CUL1: variants seen among roughly 807,000 people sequenced by gnomAD.
CUL1 encodes the protein cullin 1.
In CUL1, 24 loss-of-function variants were observed where a neutral mutation model predicts 118.0. The ratio of observed to expected loss-of-function variants is 0.20; its 90% CI spans 0.15 to 0.29. The LOEUF (loss-of-function observed/expected upper bound fraction) is 0.29, where lower values mean the gene tolerates loss of function less well. CUL1 is among the 10% of genes least tolerant of loss of function. CUL1 has a pLI of 1.00. For missense variants in CUL1, 361 were observed against 933.8 expected (o/e 0.39, Z 7.99); for synonymous variants, 332 against 340.4 (o/e 0.98, Z 0.27).
chr7:148,752,630 C>T (rs1486605924), intron 2 of CUL1, among the ~76,000 whole-genome samples: 1 of 151,970 alleles, frequency 6.6e-6, no homozygotes, highest in African/African-American at 2.4e-5. Flanking sequence ...GGTATTTCAT[C>T]TTAATCTACA....
intron 9 of CUL1, among the ~76,000 whole-genome samples, chr7:148,770,664 A>G (rs1156799220): frequency 6.6e-6 from 1 of 152,090 alleles, no homozygotes; most frequent in African/African-American, 2.4e-5. Flanking sequence ...CACACTTGCC[A>G]CCTCCATTCG....
At chr7:148,723,759 A>G (rs1298259477) in intron 1 of CUL1, among the ~76,000 whole-genome samples, 1 of 151,028 alleles carries the variant, frequency 6.6e-6, no homozygotes, top group Non-Finnish European at 1.5e-5. Context: ...ATCCCCAAAG[A>G]GCTAGAAGTC....
intron 1 of CUL1, among the ~76,000 whole-genome samples, chr7:148,715,501 G>C (rs1798186750): frequency 6.6e-6 from 1 of 152,152 alleles, no homozygotes; most frequent in Admixed American, 6.5e-5. Context: ...CCTTTGGCTT[G>C]CCTTCTGTCC....
intron 2 of CUL1, among the ~76,000 whole-genome samples, chr7:148,735,026 C>T (rs1272894014): frequency 6.6e-6 from 1 of 151,878 alleles, no homozygotes; most frequent in Non-Finnish European, 1.5e-5. Flanking sequence ...CCTGTTTTTT[C>T]CAGTCTTCTT....
chr7:148,744,625 G>A (rs1003227746), intron 2 of CUL1, among the ~76,000 whole-genome samples: 1 of 151,948 alleles, frequency 6.6e-6, no homozygotes, highest in Non-Finnish European at 1.5e-5. Flanking sequence ...CCCACAAGAC[G>A]ATATTATAAA....
At position 148,757,298 on chromosome 7, in the gene CUL1, A is replaced by T. The variant is rs1184144603; in HGVS notation, c.483+148A>T. On this transcript the variant is annotated intron_variant, in intron 4 of 21. Transcript: ENST00000325222. ...TTTCATTGTTTTATCAATAAATGTC[A>T]CTTAAATATTTTTTAGCAAGAAAGT... 4.4e-6 allele frequency: 2 copies of T among 455,120 alleles called. 1 individual carries two copies. Among genetic ancestry groups the T allele is most frequent in the East Asian group, 7.1e-5 (2 of 28,170 alleles). 28.2% of individuals were successfully genotyped at this position (455,120 alleles called of 1,614,324 possible). A position where few individuals can be genotyped will look rare whatever the true frequency, so the allele number is the denominator to read the frequency against.
chr7:148,747,503 C>A (rs909301240), intron 2 of CUL1, among the ~76,000 whole-genome samples: 2 of 152,078 alleles, frequency 1.3e-5, no homozygotes, highest in African/African-American at 2.4e-5. Flanking sequence ...GGAAACAAAG[C>A]CTTACACCTG....
chr7:148,760,974 C>T (rs1799808579), intron 7 of CUL1, among the ~76,000 whole-genome samples: 1 of 152,176 alleles, frequency 6.6e-6, no homozygotes, highest in African/African-American at 2.4e-5. Context: ...CCGCTTCAGC[C>T]TCCAGAAGTA....
In CUL1 at chr7:148,800,666, C is replaced by T; in HGVS notation, c.*84C>T. On this transcript the variant is annotated 3_prime_UTR_variant, in exon 22 of 22. Transcript: ENST00000325222. This position sits in a 1 kb window ranked among gnomAD's most constrained non-coding sequence, Gnocchi z 4.6. ...GAAAACAACTCAAGTTCATAGCAGC[C>T]AGCCTGCCGCCATTGGACCTCCCTT... The T allele has an allele frequency of 1.1e-5, 12 of 1,110,214 alleles. No homozygotes were observed. The South Asian group carries it at 1.5e-4, about 14-fold the overall frequency. 68.8% of individuals were successfully genotyped at this position (1,110,214 alleles called of 1,614,324 possible). A position where few individuals can be genotyped will look rare whatever the true frequency, so the allele number is the denominator to read the frequency against.
Position 148,789,784 on chromosome 7 carries a change from C to T in CUL1, c.1632C>T (p.Ser544=). The part of the protein sequence containing the change: ...DFSIQVLSSG[S]WPFQQSCTFA... Reference sequence around the variant, plus strand: ...GCATTCAAGTGCTGAGCTCCGGGTCCTGGCCCTTCCAGCAGTCTTGTACAT... The same window carrying T: ...GCATTCAAGTGCTGAGCTCCGGGTCTTGGCCCTTCCAGCAGTCTTGTACAT... The change falls in exon 15 of 22, where the codon TCC becomes TCT. Residue 544 remains serine, a synonymous_variant. Coordinates refer to ENST00000325222, the MANE Select transcript of CUL1 (RefSeq NM_003592.3). 1 of 1,614,206 alleles carries T rather than the reference C, an allele frequency of 6.2e-7. No individual in the cohort carries two copies. The highest frequency in any genetic ancestry group is 8.5e-7 in the Non-Finnish European group (1 of 1,180,040).
chr7:148,772,841 G>A (rs1461175175), intron 9 of CUL1, among the ~76,000 whole-genome samples: 1 of 151,944 alleles, frequency 6.6e-6, no homozygotes, highest in African/African-American at 2.4e-5. Flanking sequence ...GGGTCTGGAC[G>A]TAGCCTCAGA....
intron 9 of CUL1, among the ~76,000 whole-genome samples, chr7:148,770,562 A>G (rs1261409668): frequency 6.6e-6 from 1 of 152,162 alleles, no homozygotes; most frequent in Non-Finnish European, 1.5e-5. Flanking sequence ...ATGCAGTTTT[A>G]TTCTTATTTG....
intron 15 of CUL1, among the ~76,000 whole-genome samples, 186 bp downstream of exon 15, chr7:148,790,012 G>A (rs572354128): frequency 1.9e-4 from 29 of 152,272 alleles, no homozygotes; most frequent in Admixed American, 1.2e-3. Context: ...GTCTAAAGGT[G>A]GGCTGTCTGT....
intron 2 of CUL1, among the ~76,000 whole-genome samples, chr7:148,738,223 C>T (rs1228120478): frequency 6.6e-6 from 1 of 152,174 alleles, no homozygotes; most frequent in Admixed American, 6.5e-5. Context: ...CTTTATATTA[C>T]GTTAGTAGTA....
chr7:148,713,722 A>G (rs943500096), intron 1 of CUL1, among the ~76,000 whole-genome samples: 2 of 152,112 alleles, frequency 1.3e-5, no homozygotes, highest in Non-Finnish European at 2.9e-5. Flanking sequence ...TGTGTATTTT[A>G]TATTATATAT....
chr7:148,790,059 C>G (rs540192129), intron 15 of CUL1, among the ~76,000 whole-genome samples: 1 of 152,370 alleles, frequency 6.6e-6, no homozygotes, highest in African/African-American at 2.4e-5. Flanking sequence ...TCTTGTAAAG[C>G]AGAACCTAAT....
intron 9 of CUL1, chr7:148,783,385 G>A (rs773125219): frequency 1.0e-6 from 1 of 985,492 alleles, no homozygotes; most frequent in Middle Eastern, 5.2e-4. Flanking sequence ...GCCCAGCCGG[G>A]CTGATGACCG....
At chr7:148,717,696 C>T (rs999896224) in intron 1 of CUL1, among the ~76,000 whole-genome samples, 2 of 152,128 alleles carry the variant, frequency 1.3e-5, no homozygotes, top group African/African-American at 4.8e-5. Context: ...CACCGGGCTC[C>T]TGTGATCAGT....
chr7:148,792,846 A>G (rs372673733), intron 17 of CUL1, 28 bp downstream of exon 17: 34 of 1,529,920 alleles, frequency 2.2e-5, no homozygotes, highest in East Asian at 6.8e-5. Flanking sequence ...TCGTTGTTCT[A>G]TCAGCTTGCC....
Sources: gnomAD v4.1 joint callset for allele counts (sites outside exome capture counted in the v4.1 genomes callset) on GRCh38, gnomAD v4.1.1 for gene constraint, Gnocchi (gnomAD v3.1) non-coding constraint, MANE v1.5 for transcripts, NCBI Gene and HGNC (gene_info 2026-07-23, HGNC 2026-07-21) for gene names.